NTF3: variants seen among roughly 807,000 people sequenced by gnomAD.
The protein encoded by NTF3 is neurotrophin-3.
A neutral mutation model predicts 26.3 loss-of-function variants in NTF3; 8 were observed. That is an observed-to-expected ratio of 0.30 (90% CI 0.18 to 0.55). NTF3 has a LOEUF of 0.55. Ranked by LOEUF, NTF3 falls within the 20% of genes least tolerant of loss-of-function variation. NTF3 has a pLI of 0.93. For synonymous variants in NTF3, 154 were observed against 145.5 expected, an observed-to-expected ratio of 1.06 and a Z score of -0.42; for missense variants, 276 against 352.9, an observed-to-expected ratio of 0.78 and a Z score of 1.75.
At chr12:5,487,374 T>C (rs1339713639) in intron 1 of NTF3, among the ~76,000 whole-genome samples, 1 of 152,216 alleles carries the variant, frequency 6.6e-6, no homozygotes, top group African/African-American at 2.4e-5. Flanking sequence ...CAGCTTTCTA[T>C]CTCCATCTCG....
chr12:5,471,520 C>T (rs7974098), intron 1 of NTF3, among the ~76,000 whole-genome samples: 2,244 of 152,252 alleles, frequency 0.015, 45 homozygotes, highest in African/African-American at 0.047. Flanking sequence ...CAGGCCCTCA[C>T]CTGGAGCGTC....
intron 1 of NTF3, among the ~76,000 whole-genome samples, chr12:5,487,563 G>A (rs754483163): frequency 5.9e-5 from 9 of 152,094 alleles, no homozygotes; most frequent in Non-Finnish European, 8.8e-5. Context: ...ACTGTTGACC[G>A]TGTCTTGCCT....
At chr12:5,437,701 A>ACTAATGAC (rs1412139737) in intron 1 of NTF3, among the ~76,000 whole-genome samples, 1 of 152,220 alleles carries the variant, frequency 6.6e-6, no homozygotes, top group Non-Finnish European at 1.5e-5. Flanking sequence ...GGGATGTTGA[A>ACTAATGAC]CTAATGACCG....
intron 1 of NTF3, among the ~76,000 whole-genome samples, chr12:5,469,565 A>G (rs1940638588): frequency 6.6e-6 from 1 of 152,180 alleles, no homozygotes; most frequent in Non-Finnish European, 1.5e-5. Flanking sequence ...TCACTTAAAT[A>G]TAGGTGACAT....
At chr12:5,436,323 C>G (rs1245580332) in intron 1 of NTF3, among the ~76,000 whole-genome samples, 1 of 152,146 alleles carries the variant, frequency 6.6e-6, no homozygotes, top group Non-Finnish European at 1.5e-5. Context: ...GGAAACTCAT[C>G]TGTGTAAGAG....
At chr12:5,485,863 A>C (rs1219831995) in intron 1 of NTF3, among the ~76,000 whole-genome samples, 2 of 152,164 alleles carry the variant, frequency 1.3e-5, no homozygotes, top group African/African-American at 4.8e-5. Context: ...GAGACTCAGA[A>C]AAGCACCAGA....
At chr12:5,472,802 G>A (rs1018682397) in intron 1 of NTF3, among the ~76,000 whole-genome samples, 3 of 152,172 alleles carry the variant, frequency 2.0e-5, no homozygotes, top group Admixed American at 1.3e-4. Flanking sequence ...CCACTGATTC[G>A]CAGGAGCTGG....
At chr12:5,475,352 G>GT in intron 1 of NTF3, among the ~76,000 whole-genome samples, 1 of 152,206 alleles carries the variant, frequency 6.6e-6, no homozygotes. Context: ...AGGTGGGGCT[G>GT]TTTTTTTAGG....
At chr12:5,489,957 G>A (rs1381910989) in intron 1 of NTF3, among the ~76,000 whole-genome samples, 1 of 152,194 alleles carries the variant, frequency 6.6e-6, no homozygotes, top group East Asian at 1.9e-4. Flanking sequence ...TTGCTCCAGG[G>A]ACTGAGAAAA....
intron 1 of NTF3, among the ~76,000 whole-genome samples, chr12:5,447,711 C>T (rs1246715654): frequency 1.3e-5 from 2 of 152,164 alleles, no homozygotes; most frequent in South Asian, 2.1e-4. Flanking sequence ...CATTCCTAAG[C>T]GAATAGCACA....
At chr12:5,482,551 C>T (rs1337700034) in intron 1 of NTF3, among the ~76,000 whole-genome samples, 1 of 152,176 alleles carries the variant, frequency 6.6e-6, no homozygotes, top group Admixed American at 6.5e-5. Flanking sequence ...TGCACATGCC[C>T]TCTGGACCTG....
intron 1 of NTF3, among the ~76,000 whole-genome samples, chr12:5,462,555 G>C (rs1940537902): frequency 1.3e-5 from 2 of 152,204 alleles, no homozygotes; most frequent in Admixed American, 1.3e-4. Context: ...TGATAGCCAA[G>C]TATGAATTTG....
At chr12:5,492,059 G>A (rs1940945106) in intron 1 of NTF3, among the ~76,000 whole-genome samples, 1 of 152,116 alleles carries the variant, frequency 6.6e-6, no homozygotes, top group African/African-American at 2.4e-5. Flanking sequence ...TCATCTATAA[G>A]ATGAAGGAAT....
At chr12:5,480,530 A>G (rs936643185) in intron 1 of NTF3, among the ~76,000 whole-genome samples, 94 of 152,060 alleles carry the variant, frequency 6.2e-4, no homozygotes, top group African/African-American at 2.2e-3. Flanking sequence ...AGGCAGGCGC[A>G]CTCTGGGGCA....
intron 1 of NTF3, among the ~76,000 whole-genome samples, chr12:5,487,562 C>T (rs1054783571): frequency 1.2e-4 from 19 of 152,202 alleles, no homozygotes; most frequent in South Asian, 1.2e-3. Flanking sequence ...CACTGTTGAC[C>T]GTGTCTTGCC....
chr12:5,434,472 AGTGTGTGTGTGTGTGT>A (rs59874216), intron 1 of NTF3, among the ~76,000 whole-genome samples: 2 of 142,692 alleles, frequency 1.4e-5, no homozygotes. Flanking sequence ...GTTTTTCCAA[AGTGTGTGTGTGTGTGT>A]GTGTGTGTGT....
chr12:5,486,260 T>G (rs1024861262), intron 1 of NTF3, among the ~76,000 whole-genome samples: 1 of 152,310 alleles, frequency 6.6e-6, no homozygotes, highest in South Asian at 2.1e-4. Context: ...CTATGGTTGA[T>G]GCACACAAAA....
intron 1 of NTF3, among the ~76,000 whole-genome samples, chr12:5,487,424 G>T (rs1452097821): frequency 2.0e-5 from 3 of 152,218 alleles, no homozygotes; most frequent in African/African-American, 7.2e-5. Context: ...TTTCTTGTCT[G>T]TTCAGGGGTC....
chr12:5,455,327 C>T (rs1411852832), intron 1 of NTF3, among the ~76,000 whole-genome samples: 1 of 152,146 alleles, frequency 6.6e-6, no homozygotes, highest in Non-Finnish European at 1.5e-5. Context: ...GTTGTCAGCT[C>T]TGGGAGGCTT....
Sources: allele counts gnomAD v4.1 joint callset (sites outside exome capture counted in the v4.1 genomes callset), GRCh38; gene constraint gnomAD v4.1.1; transcripts MANE v1.5; gene names NCBI Gene and HGNC (gene_info 2026-07-23, HGNC 2026-07-21).